RCC1: variants seen among roughly 807,000 people sequenced by gnomAD.
RCC1 encodes regulator of chromosome condensation.
A neutral mutation model predicts 44.4 loss-of-function variants in RCC1; 11 were observed. That is an observed-to-expected ratio of 0.25 (90% CI 0.16 to 0.41). The LOEUF (loss-of-function observed/expected upper bound fraction) is 0.41, where lower values mean the gene tolerates loss of function less well. RCC1 is among the 10% of genes least tolerant of loss of function. The pLI, the probability that RCC1 is intolerant of heterozygous loss-of-function variation, is 1.00. For missense variants in RCC1, 386 were observed against 547.1 expected (o/e 0.71, Z 2.94); for synonymous variants, 213 against 216.5 (o/e 0.98, Z 0.14).
intron 4 of RCC1, chr1:28,527,159 G>GC: frequency 2.4e-6 from 3 of 1,262,946 alleles, no homozygotes; most frequent in Non-Finnish European, 3.4e-6. Context: ...TGGCAGAAAT[G>GC]CCCCCAAGGA....
intron 4 of RCC1, among the ~76,000 whole-genome samples, chr1:28,517,468 A>G (rs1298801217): frequency 6.6e-6 from 1 of 152,068 alleles, no homozygotes. Flanking sequence ...AGATCTGATC[A>G]TATTAGGATG....
At chr1:28,537,340 G>A (rs1218419921) in intron 12 of RCC1, among the ~76,000 whole-genome samples, 1 of 152,200 alleles carries the variant, frequency 6.6e-6, no homozygotes, top group African/African-American at 2.4e-5. Flanking sequence ...AGAGGAGGGT[G>A]TGAACAAGTG....
chr1:28,507,128 TGGGCC>T (rs1222348957), intron 1 of RCC1: 1 of 257,148 alleles, frequency 3.9e-6, no homozygotes, highest in Non-Finnish European at 7.9e-6. Flanking sequence ...TTAGGATAGC[TGGGCC>T]TAATTGTTGT....
chr1:28,533,136 T>C (rs937256952), intron 7 of RCC1, among the ~76,000 whole-genome samples: 1 of 152,076 alleles, frequency 6.6e-6, no homozygotes, highest in Admixed American at 6.5e-5. Flanking sequence ...CCTTATCACA[T>C]CTATTTTGAA....
In RCC1 at chr1:28,538,162, T is replaced by A; in HGVS notation, c.*155T>A. On this transcript the variant is annotated 3_prime_UTR_variant, in exon 13 of 13. Coordinates refer to ENST00000683442, the MANE Select transcript of RCC1 (RefSeq NM_001381865.2). The stretch of plus-strand genomic sequence containing the variant: ...TCAGCAGAACAGAATCCTTTTCCTC[T>A]TTTCCTTCCTCCTCTTTGGAATTTT... The A allele has an allele frequency of 1.7e-6, 1 of 577,420 alleles. No individual in the cohort carries two copies. Among genetic ancestry groups the A allele is most frequent in the Admixed American group, 3.4e-5 (1 of 29,730 alleles). 35.8% of individuals were successfully genotyped at this position (577,420 alleles called of 1,614,324 possible).
intron 9 of RCC1, 35 bp from the exon 10 acceptor site, chr1:28,535,836 T>C (rs1028811025): frequency 6.3e-7 from 1 of 1,598,370 alleles, no homozygotes; most frequent in Middle Eastern, 1.7e-4. Context: ...TGTGTGTCTG[T>C]CTGTCACTGA....
intron 4 of RCC1, among the ~76,000 whole-genome samples, chr1:28,521,216 C>T (rs1038035474): frequency 6.6e-6 from 1 of 151,390 alleles, no homozygotes; most frequent in Non-Finnish European, 1.5e-5. Flanking sequence ...GAAGGTGGTC[C>T]TCTGGCCGGG....
intron 3 of RCC1, chr1:28,510,224 G>A (rs559308627): frequency 6.6e-6 from 1 of 152,514 alleles, no homozygotes; most frequent in Admixed American, 6.5e-5. Flanking sequence ...GAGCTTGCTT[G>A]CCAAGGTGTT....
intron 1 of RCC1, 189 bp from the exon 2 acceptor site, chr1:28,507,939 T>G (rs1255467536): frequency 6.7e-6 from 2 of 299,446 alleles, no homozygotes; most frequent in African/African-American, 4.4e-5. Context: ...TAAGAAAAAT[T>G]GGCTAAAAAG....
chr1:28,530,539 C>CT, intron 5 of RCC1: 10 of 1,604,950 alleles, frequency 6.2e-6, no homozygotes, highest in Non-Finnish European at 8.5e-6. Flanking sequence ...GGGCCGCTGC[C>CT]TCCCGCCGCG....
intron 9 of RCC1, 52 bp from the exon 10 acceptor site, chr1:28,535,819 G>A: frequency 1.3e-6 from 2 of 1,575,618 alleles, no homozygotes; most frequent in Non-Finnish European, 1.7e-6. Context: ...GGGGCAGAGA[G>A]AAGCCATGTG....
At chr1:28,526,570 C>A in intron 4 of RCC1, 1 of 569,646 alleles carries the variant, frequency 1.8e-6, no homozygotes. Context: ...TCACTAGAAG[C>A]AACAATTTCT....
chr1:28,533,575 G>A (rs1356295075), intron 7 of RCC1, among the ~76,000 whole-genome samples: 7 of 150,002 alleles, frequency 4.7e-5, no homozygotes, highest in East Asian at 4.0e-4. Flanking sequence ...GTTCGAGACC[G>A]GCCTGACCAA....
At chr1:28,527,560 A>G (rs193180116) in intron 4 of RCC1, among the ~76,000 whole-genome samples, 1 of 152,140 alleles carries the variant, frequency 6.6e-6, no homozygotes, top group Admixed American at 6.6e-5. Flanking sequence ...TCAATCAATT[A>G]AATAAGAAAA....
At position 28,536,237 on chromosome 1, in the gene RCC1, CT is replaced by C. The variant is rs1422864792; in HGVS notation, c.818-24del. Reference sequence around the variant, plus strand: ...GGCAGCTCTCAGAACACCTTCACCCCTGATGGCTCCGGCCTTTCCCCCAGGA... The same window carrying C: ...GGCAGCTCTCAGAACACCTTCACCCCGATGGCTCCGGCCTTTCCCCCAGGA... On this transcript the variant is annotated intron_variant, in intron 10 of 12. Coordinates refer to ENST00000683442, the MANE Select transcript of RCC1 (RefSeq NM_001381865.2). This position sits in a 1 kb window ranked among gnomAD's most constrained non-coding sequence, Gnocchi z 4.9. 2.5e-6 allele frequency: 4 copies of C among 1,611,588 alleles called. No individual in the cohort carries two copies. Among genetic ancestry groups the C allele is most frequent in the Admixed American group, 1.7e-5 (1 of 59,868 alleles).
At chr1:28,517,867 T>C (rs1375006020) in intron 4 of RCC1, among the ~76,000 whole-genome samples, 1 of 152,188 alleles carries the variant, frequency 6.6e-6, no homozygotes, top group East Asian at 1.9e-4. Flanking sequence ...GATGCCCCTC[T>C]GGGTATCCCT....
In RCC1 at chr1:28,535,288, A is replaced by T; in HGVS notation, c.569A>T (p.Asp190Val). The change falls in exon 9 of 13, where the codon GAT (aspartate) becomes GTT (valine). Residue 190 changes from aspartate (D) to valine (V), a missense_variant. Physicochemically the swap from Asp to Val is radical, Grantham distance 152. Coordinates refer to ENST00000683442, the MANE Select transcript of RCC1 (RefSeq NM_001381865.2). ...GNDHLVMLTA[D>V]GDLYTLGCGE... ...GACCACTTGGTGATGCTGACAGCTG[A>T]TGGTGACCTCTACACCTTGGGCTGC... 6.2e-7 allele frequency: 1 copy of T among 1,614,134 alleles called. No homozygotes were observed. Among genetic ancestry groups the T allele is most frequent in the Non-Finnish European group, 8.5e-7 (1 of 1,180,012 alleles).
chr1:28,532,407 G>T (rs2124658973), intron 7 of RCC1, 57 bp downstream of exon 7: 3 of 1,586,564 alleles, frequency 1.9e-6, no homozygotes, highest in South Asian at 2.3e-5. Context: ...AATTGGCGGG[G>T]CCCCAAAGAT....
At chr1:28,535,538 CT>C in intron 9 of RCC1, 158 bp downstream of exon 9, 1 of 1,141,554 alleles carries the variant, frequency 8.8e-7, no homozygotes, top group Admixed American at 2.0e-5. Flanking sequence ...GTTTTGCCAC[CT>C]ACTGTCTATG....
Sources: gnomAD v4.1 joint callset for allele counts (sites outside exome capture counted in the v4.1 genomes callset) on GRCh38, gnomAD v4.1.1 for gene constraint, Gnocchi (gnomAD v3.1) non-coding constraint, MANE v1.5 for transcripts, NCBI Gene and HGNC (gene_info 2026-07-23, HGNC 2026-07-21) for gene names.